The following CHIC1 variants were observed in gnomAD, a reference collection of about 807,000 sequenced individuals.
CHIC1 encodes the protein cysteine rich hydrophobic domain 1.
Under a neutral mutation model 18.5 loss-of-function variants are expected in CHIC1, and 7 were observed. The ratio of observed to expected loss-of-function variants is 0.38; its 90% CI spans 0.22 to 0.71. The LOEUF (loss-of-function observed/expected upper bound fraction) is 0.71. Ranked by LOEUF, CHIC1 falls within the 30% of genes least tolerant of loss-of-function variation. The probability of loss-of-function intolerance (pLI) is 0.49; values close to 1 mark genes in which losing one functional copy is unlikely to be tolerated. For synonymous variants in CHIC1, 77 were observed against 73.5 expected (o/e 1.05, Z -0.25); for missense variants, 159 against 176.9 (o/e 0.90, Z 0.57).
At chrX:73,637,641 C>T (rs2057837161) in intron 3 of CHIC1, among the ~76,000 whole-genome samples, 1 of 111,226 alleles carries the variant, frequency 9.0e-6, no homozygotes, top group African/African-American at 3.3e-5. Context: ...CTCTGCTCTT[C>T]AACTCCCTCT....
intron 3 of CHIC1, among the ~76,000 whole-genome samples, chrX:73,607,218 G>A (rs1332465340): frequency 4.6e-5 from 5 of 108,722 alleles, no homozygotes; most frequent in Non-Finnish European, 5.6e-5. Context: ...TGGCTACAGC[G>A]GCTTTGCCAA....
At position 73,683,968 on chromosome X, in the gene CHIC1, A is replaced by G. The variant is rs968376711; in HGVS notation, c.*2963A>G. On this transcript the variant is annotated 3_prime_UTR_variant, in exon 6 of 6. Transcript: ENST00000373502. ...CACTGTAGTAAAACTTTAGAAGAAGATGGAGAAGTGCCTTGTCTTTTTAGA... is the reference window on the plus strand; with the variant it reads ...CACTGTAGTAAAACTTTAGAAGAAGGTGGAGAAGTGCCTTGTCTTTTTAGA... The G allele has an allele frequency of 8.9e-6, 1 of 112,222 alleles. No homozygotes were observed. The highest frequency in any genetic ancestry group is 1.9e-5 in the Non-Finnish European group (1 of 52,949). 9.2% of individuals were successfully genotyped at this position (112,222 alleles called of 1,213,427 possible).
In CHIC1 at chrX:73,661,450, T is replaced by C. The variant is rs889222805; in HGVS notation, c.508-17876T>C. Among the ~76,000 whole-genome samples the C allele has an allele frequency of 1.1e-4, 12 of 111,968 alleles. No homozygotes were observed. In the Admixed American group the frequency reaches 1.1e-3, roughly 11 times the overall value. ...TTTATTTAGCTAGTCTCTGGGTAAG[T>C]TGAAATTGTTAAGTTTCTCCAATTT... is the stretch of plus-strand genomic sequence containing the variant. On this transcript the variant is annotated intron_variant, in intron 3 of 5. Coordinates refer to ENST00000373502, the MANE Select transcript of CHIC1 (RefSeq NM_001039840.4).
At chrX:73,599,098 T>C (rs960256345) in intron 3 of CHIC1, among the ~76,000 whole-genome samples, 1 of 109,895 alleles carries the variant, frequency 9.1e-6, no homozygotes, top group Admixed American at 9.7e-5. Flanking sequence ...ATGAGCATTT[T>C]TTCATGTGTT....
intron 3 of CHIC1, among the ~76,000 whole-genome samples, chrX:73,662,073 AAAAT>A (rs1244473259): frequency 2.7e-5 from 3 of 109,400 alleles, no homozygotes; most frequent in Non-Finnish European, 3.8e-5. Flanking sequence ...TAAATAAATA[AAAAT>A]AAATAATAAA....
At chrX:73,617,350 T>A (rs764736009) in intron 3 of CHIC1, among the ~76,000 whole-genome samples, 3 of 111,860 alleles carry the variant, frequency 2.7e-5, no homozygotes, top group Non-Finnish European at 3.8e-5. Context: ...AGTTCCAAAC[T>A]TTCCCACATT....
chrX:73,604,865 A>G (rs906134356), intron 3 of CHIC1, among the ~76,000 whole-genome samples: 4 of 109,332 alleles, frequency 3.7e-5, no homozygotes, highest in Admixed American at 2.9e-4. Flanking sequence ...CTGTGGTCTG[A>G]AAGATGGTTT....
intron 3 of CHIC1, among the ~76,000 whole-genome samples, chrX:73,586,247 A>C (rs2057552582): frequency 9.0e-6 from 1 of 111,088 alleles, no homozygotes; most frequent in Non-Finnish European, 1.9e-5. Context: ...CTTAGAAACC[A>C]CCCATAGTTT....
chrX:73,672,291 G>A (rs1263956579), intron 3 of CHIC1, among the ~76,000 whole-genome samples: 2 of 111,614 alleles, frequency 1.8e-5, no homozygotes, highest in Non-Finnish European at 3.8e-5. Flanking sequence ...CCCAGTAATG[G>A]GAAGGCTGGG....
chrX:73,684,688 T>G lies in CHIC1; in HGVS notation c.*3683T>G, dbSNP rs2147638421. 1 of 111,729 alleles carries G rather than the reference T, an allele frequency of 9.0e-6. No individual in the cohort carries two copies. Among genetic ancestry groups the G allele is most frequent in the African/African-American group, 3.2e-5 (1 of 30,922 alleles). 9.2% of individuals were successfully genotyped at this position (111,729 alleles called of 1,213,427 possible). On this transcript the variant is annotated 3_prime_UTR_variant, in exon 6 of 6. Transcript: ENST00000373502. Reference sequence around the variant, plus strand: ...GATTCTCATGCCTATAAAAGTATACTTTAAAAATATTTTGCAACAACTGTC... The same window carrying G: ...GATTCTCATGCCTATAAAAGTATACGTTAAAAATATTTTGCAACAACTGTC...
At chrX:73,633,091 C>G (rs1032465705) in intron 3 of CHIC1, among the ~76,000 whole-genome samples, 1 of 111,307 alleles carries the variant, frequency 9.0e-6, no homozygotes, top group African/African-American at 3.3e-5. Context: ...TAACTTGACT[C>G]TGCTTACCTT....
chrX:73,680,907 A>C, intron 5 of CHIC1, 48 bp from the exon 6 acceptor site: 1 of 689,667 alleles, frequency 1.4e-6, no homozygotes, highest in Middle Eastern at 3.7e-4. Context: ...TATAAGTTAT[A>C]TTAAATGAAA....
intron 3 of CHIC1, among the ~76,000 whole-genome samples, chrX:73,640,823 G>A (rs1569503835): frequency 9.0e-6 from 1 of 110,652 alleles, no homozygotes; most frequent in East Asian, 2.8e-4. Flanking sequence ...CTTTTGTATG[G>A]TTTTCTCTAG....
At chrX:73,596,844 G>T (rs775959399) in intron 3 of CHIC1, among the ~76,000 whole-genome samples, 3 of 111,433 alleles carry the variant, frequency 2.7e-5, no homozygotes, top group Non-Finnish European at 5.7e-5. Context: ...ACTGAAACTG[G>T]ACCCCTTCCT....
chrX:73,583,812 G>A (rs904893288), intron 2 of CHIC1, among the ~76,000 whole-genome samples: 1 of 111,235 alleles, frequency 9.0e-6, no homozygotes, highest in African/African-American at 3.3e-5. Context: ...AAAGTTTACC[G>A]CAGTTATGAA....
intron 3 of CHIC1, among the ~76,000 whole-genome samples, chrX:73,665,470 C>T (rs1214620474): frequency 9.0e-6 from 1 of 111,362 alleles, no homozygotes; most frequent in Non-Finnish European, 1.9e-5. Flanking sequence ...GCATTAGGTT[C>T]CTTAATTGAG....
At chrX:73,609,187 A>G (rs931132210) in intron 3 of CHIC1, among the ~76,000 whole-genome samples, 4 of 104,560 alleles carry the variant, frequency 3.8e-5, no homozygotes, top group Non-Finnish European at 5.8e-5. Context: ...GATGCTTTTT[A>G]TTAATTTTTT....
chrX:73,606,310 C>T (rs1002279674), intron 3 of CHIC1, among the ~76,000 whole-genome samples: 2 of 106,039 alleles, frequency 1.9e-5, no homozygotes, highest in Non-Finnish European at 1.9e-5. Context: ...ACGAAGTTCT[C>T]GTGGTGTGTT....
intron 1 of CHIC1, among the ~76,000 whole-genome samples, chrX:73,577,129 G>A (rs1398713802): frequency 9.1e-6 from 1 of 110,367 alleles, no homozygotes; most frequent in Non-Finnish European, 1.9e-5. Context: ...AGCTCAATAT[G>A]TGTTTCTCTA....
Sources: gnomAD v4.1 joint callset for allele counts (sites outside exome capture counted in the v4.1 genomes callset) on GRCh38, gnomAD v4.1.1 for gene constraint, MANE v1.5 for transcripts, NCBI Gene and HGNC (gene_info 2026-07-23, HGNC 2026-07-21) for gene names.